The following WDFY2 variants were observed in gnomAD, a reference collection of about 807,000 sequenced individuals.
WDFY2 encodes WD repeat and FYVE domain-containing protein 2.
A neutral mutation model predicts 56.4 loss-of-function variants in WDFY2; 36 were observed. That is an observed-to-expected ratio of 0.64 (90% CI 0.49 to 0.84). The LOEUF (loss-of-function observed/expected upper bound fraction) is 0.84, where lower values mean the gene tolerates loss of function less well. WDFY2 is among the 40% of genes least tolerant of loss of function. The probability of loss-of-function intolerance (pLI) is 0.00; values close to 1 mark genes in which losing one functional copy is unlikely to be tolerated. For synonymous variants in WDFY2, 176 were observed against 183.7 expected, an observed-to-expected ratio of 0.96 and a Z score of 0.34; for missense variants, 444 against 512.2, an observed-to-expected ratio of 0.87 and a Z score of 1.29.
intron 1 of WDFY2, among the ~76,000 whole-genome samples, chr13:51,609,112 C>G (rs1488400494): frequency 3.9e-5 from 6 of 152,004 alleles, no homozygotes; most frequent in Admixed American, 2.6e-4. Flanking sequence ...TTATTTTTAA[C>G]TTAAAAAAAT....
At position 51,635,695 on chromosome 13, in the gene WDFY2, A is replaced by G. The variant is rs562713108; in HGVS notation, c.138-24901A>G. On this transcript the variant is annotated intron_variant, in intron 1 of 11. Transcript: ENST00000298125. ...ACTACAGACAGGTGAGGGTCTCCAC[A>G]CTACAGTTTCTCACTTCTAAAGGGG... 2.6e-5 allele frequency among the ~76,000 whole-genome samples: 4 copies of G among 152,312 alleles called. No homozygotes were observed. The South Asian group carries it at 8.3e-4, about 32-fold the overall frequency.
chr13:51,759,408 G>A (rs1196996334), intron 11 of WDFY2, among the ~76,000 whole-genome samples: 2 of 152,160 alleles, frequency 1.3e-5, no homozygotes, highest in Non-Finnish European at 2.9e-5. Context: ...TGCCTCAGAT[G>A]TAAACACAGT....
intron 6 of WDFY2, among the ~76,000 whole-genome samples, chr13:51,731,258 G>A (rs1017530171): frequency 6.6e-6 from 1 of 152,258 alleles, no homozygotes; most frequent in East Asian, 1.9e-4. Context: ...TGGCTGATAG[G>A]AGCTCTGTGA....
chr13:51,727,027 A>C (rs1047934927), intron 5 of WDFY2, among the ~76,000 whole-genome samples: 2 of 152,298 alleles, frequency 1.3e-5, no homozygotes, highest in South Asian at 4.1e-4. Context: ...TTCATTTTCT[A>C]CATTTAGATC....
chr13:51,741,046 G>A (rs770860105), intron 7 of WDFY2, among the ~76,000 whole-genome samples: 2 of 152,216 alleles, frequency 1.3e-5, no homozygotes, highest in South Asian at 2.1e-4. Context: ...AGTTTGTTAC[G>A]AAAGGAAAAG....
At position 51,763,557 on chromosome 13, in the gene WDFY2, G is replaced by C. The variant is rs1218172794; in HGVS notation, c.*3788G>C. The stretch of plus-strand genomic sequence containing the variant: ...CTCACACCTATAATCTGAACACTTT[G>C]GGAGGACAAGGTGGGAGGATTGCTG... On this transcript the variant is annotated 3_prime_UTR_variant, in exon 12 of 12. Coordinates refer to ENST00000298125, the MANE Select transcript of WDFY2 (RefSeq NM_052950.4). 6.6e-6 allele frequency: 1 copy of C among 152,244 alleles called. No homozygotes were observed. Among genetic ancestry groups the C allele is most frequent in the Non-Finnish European group, 1.5e-5 (1 of 68,062 alleles). The allele number at this position is 152,244 out of a possible 1,614,324, so 9.4% of individuals were successfully genotyped here. A position where few individuals can be genotyped will look rare whatever the true frequency, so the allele number is the denominator to read the frequency against.
rs374749229 is a variant in WDFY2 at position 51,671,994 on chromosome 13, G to A, written c.206-3176G>A. On this transcript the variant is annotated intron_variant, in intron 2 of 11. Coordinates refer to ENST00000298125, the MANE Select transcript of WDFY2 (RefSeq NM_052950.4). ...AGATGGGGTTTCGCCATGTTGGCCA[G>A]GCTGGTCTCAATCTCCTGACCTCAA... 4.9e-3 allele frequency among the ~76,000 whole-genome samples: 750 copies of A among 152,016 alleles called. 5 individuals carry two copies. The highest frequency in any genetic ancestry group is 0.014 in the African/African-American group (588 of 41,466).
Position 51,584,623 on chromosome 13 carries a change from C to A in WDFY2, c.-65C>A. 2 of 1,546,744 alleles carry A rather than the reference C, an allele frequency of 1.3e-6. No homozygotes were observed. The highest frequency in any genetic ancestry group is 2.4e-5 in the South Asian group (2 of 83,816). ...GTCTCAACCTGTGTCCGTGCTCCAG[C>A]AGTCTCCTCAGCCCGGCCCCGCGGC... On this transcript the variant is annotated 5_prime_UTR_variant, in exon 1 of 12. Transcript: ENST00000298125.
intron 1 of WDFY2, among the ~76,000 whole-genome samples, chr13:51,609,679 C>T (rs1954458539): frequency 1.6e-5 from 2 of 125,356 alleles, no homozygotes; most frequent in East Asian, 4.9e-4. Flanking sequence ...AGAAAGGAGA[C>T]CATAAAAGTG....
At chr13:51,655,076 T>C (rs1955483533) in intron 1 of WDFY2, among the ~76,000 whole-genome samples, 1 of 152,222 alleles carries the variant, frequency 6.6e-6, no homozygotes, top group Admixed American at 6.5e-5. Flanking sequence ...TTAATTAATT[T>C]AATTAGCTTC....
intron 1 of WDFY2, among the ~76,000 whole-genome samples, chr13:51,638,497 C>G (rs1272758094): frequency 6.6e-6 from 1 of 152,112 alleles, no homozygotes; most frequent in Non-Finnish European, 1.5e-5. Flanking sequence ...TCTTAAAACT[C>G]TTAGATGGAT....
At chr13:51,669,506 T>A (rs534895956) in intron 2 of WDFY2, among the ~76,000 whole-genome samples, 27 of 152,328 alleles carry the variant, frequency 1.8e-4, no homozygotes, top group Non-Finnish European at 3.2e-4. Context: ...ATTTGTGCAT[T>A]TCATTGCTTC....
chr13:51,642,803 A>G (rs1228595213), intron 1 of WDFY2, among the ~76,000 whole-genome samples: 1 of 149,350 alleles, frequency 6.7e-6, no homozygotes, highest in Admixed American at 6.8e-5. Context: ...GCCTCAGCCT[A>G]CCGAGTAGCT....
At chr13:51,663,953 A>T (rs1314704925) in intron 2 of WDFY2, among the ~76,000 whole-genome samples, 1 of 152,248 alleles carries the variant, frequency 6.6e-6, no homozygotes, top group African/African-American at 2.4e-5. Context: ...TTATTTGTTA[A>T]TTTTGTCCAT....
At chr13:51,747,686 C>T (rs1026717000) in intron 7 of WDFY2, among the ~76,000 whole-genome samples, 18 of 152,098 alleles carry the variant, frequency 1.2e-4, no homozygotes, top group African/African-American at 4.3e-4. Context: ...CATGTACCAC[C>T]ACATCTGACT....
At chr13:51,673,849 T>C (rs1162873803) in intron 2 of WDFY2, among the ~76,000 whole-genome samples, 3 of 152,188 alleles carry the variant, frequency 2.0e-5, no homozygotes, top group Non-Finnish European at 1.5e-5. Context: ...GATAGTCTGT[T>C]ATACAGGTGG....
At position 51,755,354 on chromosome 13, in the gene WDFY2, C is replaced by G. The variant is rs903420697; in HGVS notation, c.832-4C>G. On this transcript the variant is annotated splice_region_variant and splice_polypyrimidine_tract_variant and intron_variant, in intron 8 of 11. Coordinates refer to ENST00000298125, the MANE Select transcript of WDFY2 (RefSeq NM_052950.4). ...GTGACCTGTTCTGTGCTTTATTTGA[C>G]AAGACCCCTGAATGGTTGGACAGTG... is the stretch of plus-strand genomic sequence containing the variant. The G allele has an allele frequency of 6.2e-7, 1 of 1,614,042 alleles. No homozygotes were observed. The highest frequency in any genetic ancestry group is 1.3e-5 in the African/African-American group (1 of 74,910).
chr13:51,631,391 T>TAA (rs374903152), intron 1 of WDFY2, among the ~76,000 whole-genome samples: 10 of 123,096 alleles, frequency 8.1e-5, no homozygotes, highest in South Asian at 2.6e-4. Flanking sequence ...ATCCTGTCTC[T>TAA]AAAAAAAAAA....
intron 4 of WDFY2, among the ~76,000 whole-genome samples, chr13:51,716,855 A>G (rs1952365430): frequency 6.6e-6 from 1 of 152,054 alleles, no homozygotes; most frequent in Admixed American, 6.6e-5. Flanking sequence ...AGTGGGATTT[A>G]TTCCAGATAG....
Sources: gnomAD v4.1 joint callset for allele counts (sites outside exome capture counted in the v4.1 genomes callset) on GRCh38, gnomAD v4.1.1 for gene constraint, MANE v1.5 for transcripts, NCBI Gene and HGNC (gene_info 2026-07-23, HGNC 2026-07-21) for gene names.